Variants in ALG13 observed in about 807,000 individuals in gnomAD.
ALG13 encodes ALG13 UDP-N-acetylglucosaminyltransferase subunit.
Under a neutral mutation model 87.8 loss-of-function variants are expected in ALG13, and 11 were observed. The ratio of observed to expected loss-of-function variants is 0.13; its 90% CI spans 0.08 to 0.21. The LOEUF (loss-of-function observed/expected upper bound fraction) is 0.21, where lower values mean the gene tolerates loss of function less well. ALG13 is among the 10% of genes least tolerant of loss of function. ALG13 has a pLI of 1.00. For synonymous variants in ALG13, 320 were observed against 306.3 expected (o/e 1.04, Z -0.47); for missense variants, 756 against 866.1 (o/e 0.87, Z 1.60).
chrX:111,735,840 T>A (rs1323337662), intron 22 of ALG13, among the ~76,000 whole-genome samples: 1 of 110,787 alleles, frequency 9.0e-6, no homozygotes, highest in Non-Finnish European at 1.9e-5. Context: ...GGACAGTATG[T>A]TCAAGAAGAA....
At chrX:111,682,626 G>A (rs1933736458) in intron 2 of ALG13, among the ~76,000 whole-genome samples, 1 of 111,873 alleles carries the variant, frequency 8.9e-6, no homozygotes, top group African/African-American at 3.3e-5. Flanking sequence ...GAGAAGAATG[G>A]GAAATTAACC....
rs775941594 is a variant in ALG13, at chrX:111,681,523, C to T, written c.81+224C>T. On this transcript the variant is annotated intron_variant, in intron 1 of 26. Transcript: ENST00000394780. ...TGCCTGTTTCCTCTTCCCATTATTC[C>T]GGCCGCTCCTCTCCCTCATTTCTTC... 24 of 988,718 alleles carry T rather than the reference C, an allele frequency of 2.4e-5. No individual in the cohort carries two copies. In the African/African-American group the frequency reaches 3.9e-4, roughly 16 times the overall value. The allele number at this position is 988,718 out of a possible 1,213,427, so 81.5% of individuals were successfully genotyped here.
chrX:111,698,119 A>G (rs1265698538), intron 3 of ALG13, among the ~76,000 whole-genome samples: 2 of 112,282 alleles, frequency 1.8e-5, no homozygotes, highest in East Asian at 5.5e-4. Flanking sequence ...CTTCTTATAG[A>G]TGACCGTATT....
At chrX:111,745,555 T>TA (rs1944165525) in intron 24 of ALG13, among the ~76,000 whole-genome samples, 1 of 110,465 alleles carries the variant, frequency 9.1e-6, no homozygotes, top group Admixed American at 9.7e-5. Flanking sequence ...TTCCAACCCC[T>TA]AATCACCAAG....
intron 3 of ALG13, chrX:111,688,449 T>C: frequency 1.3e-6 from 1 of 750,851 alleles, no homozygotes; most frequent in South Asian, 6.8e-5. Flanking sequence ...TGATGGATTA[T>C]GCTCTGTGAA....
chrX:111,731,328 C>T (rs1290606767), intron 21 of ALG13, among the ~76,000 whole-genome samples: 1 of 111,806 alleles, frequency 8.9e-6, no homozygotes, highest in Non-Finnish European at 1.9e-5. Context: ...CCCTCCCTCC[C>T]CAGTTTACAG....
At chrX:111,691,620 G>A (rs1008034202) in intron 3 of ALG13, among the ~76,000 whole-genome samples, 4 of 112,528 alleles carry the variant, frequency 3.6e-5, no homozygotes, top group African/African-American at 1.3e-4. Flanking sequence ...TGTGGAAATT[G>A]TAATTTGAAC....
intron 23 of ALG13, among the ~76,000 whole-genome samples, chrX:111,737,529 C>G (rs2148338183): frequency 8.9e-6 from 1 of 111,746 alleles, no homozygotes; most frequent in African/African-American, 3.2e-5. Flanking sequence ...ATAGTGAAGT[C>G]AAAACCCATG....
At chrX:111,717,572 A>G (rs1940810650) in intron 8 of ALG13, among the ~76,000 whole-genome samples, 1 of 100,089 alleles carries the variant, frequency 1.0e-5, no homozygotes, top group Admixed American at 1.1e-4. Flanking sequence ...GCAAATTTGT[A>G]AATCAGGACT....
At chrX:111,713,714 C>T (rs1384543590) in intron 8 of ALG13, among the ~76,000 whole-genome samples, 1 of 112,005 alleles carries the variant, frequency 8.9e-6, no homozygotes, top group Non-Finnish European at 1.9e-5. Context: ...GTCATTTTCT[C>T]ACTTTGTGCT....
At chrX:111,749,032 G>A (rs761142159) in intron 24 of ALG13, among the ~76,000 whole-genome samples, 7 of 110,791 alleles carry the variant, frequency 6.3e-5, no homozygotes, top group Non-Finnish European at 1.3e-4. Context: ...GTACTGAGCC[G>A]AGATCATGCC....
chrX:111,748,335 A>G (rs1362300873), intron 24 of ALG13, among the ~76,000 whole-genome samples: 1 of 112,144 alleles, frequency 8.9e-6, no homozygotes, highest in African/African-American at 3.2e-5. Context: ...TGCCTATGGT[A>G]TTGTATCTAA....
intron 2 of ALG13, among the ~76,000 whole-genome samples, 176 bp downstream of exon 2, chrX:111,682,470 C>A (rs1380774938): frequency 1.8e-5 from 2 of 111,999 alleles, no homozygotes; most frequent in Non-Finnish European, 3.8e-5. Context: ...CTGATGCTCT[C>A]CCTCCAATAA....
At chrX:111,733,163 G>A (rs1359245738) in intron 21 of ALG13, among the ~76,000 whole-genome samples, 2 of 110,570 alleles carry the variant, frequency 1.8e-5, no homozygotes, top group Admixed American at 1.9e-4. Flanking sequence ...TAGGTTTTTT[G>A]GAGAACAGGT....
chrX:111,736,404 G>T lies in ALG13; in HGVS notation c.2530-310G>T, dbSNP rs142085120. Among the ~76,000 whole-genome samples the T allele has an allele frequency of 5.9e-3, 658 of 111,586 alleles. 4 individuals carry two copies. Among genetic ancestry groups the T allele is most frequent in the African/African-American group, 0.02 (624 of 30,693 alleles). On this transcript the variant is annotated intron_variant, in intron 22 of 26. Coordinates refer to ENST00000394780, the MANE Select transcript of ALG13 (RefSeq NM_001099922.3). ...AGGAAGCCCAGAGGTTAACTGTTTGGGGAGCGGGCAACTAGGCAGACAGGA... is the reference window on the plus strand; with the variant it reads ...AGGAAGCCCAGAGGTTAACTGTTTGTGGAGCGGGCAACTAGGCAGACAGGA...
At chrX:111,692,154 G>T (rs1349719568) in intron 3 of ALG13, among the ~76,000 whole-genome samples, 1 of 111,478 alleles carries the variant, frequency 9.0e-6, no homozygotes, top group East Asian at 2.8e-4. Flanking sequence ...TTTATTAATG[G>T]TATCATCATT....
At chrX:111,712,019 T>C (rs1939856956) in intron 6 of ALG13, among the ~76,000 whole-genome samples, 1 of 111,978 alleles carries the variant, frequency 8.9e-6, no homozygotes, top group Non-Finnish European at 1.9e-5. Context: ...AGGAGGGTGG[T>C]AATGAATTTT....
At chrX:111,695,199 C>T (rs773454883) in intron 3 of ALG13, among the ~76,000 whole-genome samples, 7 of 111,560 alleles carry the variant, frequency 6.3e-5, no homozygotes, top group Admixed American at 2.8e-4. Flanking sequence ...TGTCTCTAGA[C>T]TGATCAGACA....
chrX:111,732,038 A>G (rs1271465410), intron 21 of ALG13, among the ~76,000 whole-genome samples: 2 of 111,460 alleles, frequency 1.8e-5, no homozygotes, highest in Non-Finnish European at 3.8e-5. Flanking sequence ...ATTCATCAAT[A>G]TTACCTTTTA....
Sources: allele counts gnomAD v4.1 joint callset (sites outside exome capture counted in the v4.1 genomes callset), GRCh38; gene constraint gnomAD v4.1.1; transcripts MANE v1.5; gene names NCBI Gene and HGNC (gene_info 2026-07-23, HGNC 2026-07-21).